Variants in NUP205 observed in about 807,000 individuals in gnomAD.
NUP205 encodes the protein nucleoporin 205.
NUP205 carries 76 observed loss-of-function variants against 253.8 expected under a neutral mutation model. The ratio of observed to expected loss-of-function variants is 0.30; its 90% CI spans 0.25 to 0.36. The LOEUF (loss-of-function observed/expected upper bound fraction) is 0.36, where lower values mean the gene tolerates loss of function less well. NUP205 is among the 10% of genes least tolerant of loss of function. The pLI is 1.00. For synonymous variants in NUP205, 832 were observed against 850.1 expected (o/e 0.98, Z 0.37); for missense variants, 2,162 against 2,425.5 (o/e 0.89, Z 2.28).
chr7:135,599,224 A>C (rs902530434), intron 15 of NUP205, among the ~76,000 whole-genome samples: 1 of 152,102 alleles, frequency 6.6e-6, no homozygotes, highest in Non-Finnish European at 1.5e-5. Context: ...TCATGTCCTA[A>C]GATATTCTTT....
chr7:135,575,753 G>T lies in NUP205; in HGVS notation c.344-517G>T, dbSNP rs147902267. Among the ~76,000 whole-genome samples, 381 of 152,220 alleles carry T rather than the reference G, an allele frequency of 2.5e-3. 2 individuals are homozygous for T. Among genetic ancestry groups the T allele is most frequent in the African/African-American group, 8.3e-3 (346 of 41,522 alleles). On this transcript the variant is annotated intron_variant, in intron 3 of 42. Coordinates refer to ENST00000285968, the MANE Select transcript of NUP205 (RefSeq NM_015135.3). ...GAGGTTGCAGTGAGATCACGCCACT[G>T]CACTCCAGCCTAGGTGACAGAGTGA...
At chr7:135,627,269 A>G (rs991781116) in intron 33 of NUP205, among the ~76,000 whole-genome samples, 1 of 152,098 alleles carries the variant, frequency 6.6e-6, no homozygotes, top group Non-Finnish European at 1.5e-5. Context: ...TCTGAGACCT[A>G]CTCTGAAAGG....
intron 2 of NUP205, 91 bp downstream of exon 2, chr7:135,571,338 C>A (rs1249462174): frequency 5.3e-5 from 45 of 843,870 alleles, no homozygotes; most frequent in Middle Eastern, 4.2e-4. Context: ...TTTTAATTTT[C>A]AAATTTTTTT....
intron 38 of NUP205, among the ~76,000 whole-genome samples, chr7:135,641,297 G>A (rs1248754524): frequency 2.0e-5 from 3 of 152,154 alleles, no homozygotes; most frequent in Admixed American, 6.5e-5. Context: ...GTTATCTGGG[G>A]ACCAGGATAC....
chr7:135,583,117 A>G (rs1373656704), intron 7 of NUP205, among the ~76,000 whole-genome samples: 2 of 151,976 alleles, frequency 1.3e-5, no homozygotes, highest in Admixed American at 6.6e-5. Flanking sequence ...AATAATAAAA[A>G]TGAAATACTA....
intron 41 of NUP205, 67 bp downstream of exon 41, chr7:135,645,663 T>A (rs941884550): frequency 6.5e-6 from 6 of 916,118 alleles, no homozygotes; most frequent in Non-Finnish European, 7.2e-6. Flanking sequence ...CTAGTACCAG[T>A]TTTTTTTTAT....
At chr7:135,647,748 A>T in intron 42 of NUP205, among the ~76,000 whole-genome samples, 1 of 152,242 alleles carries the variant, frequency 6.6e-6, no homozygotes, top group South Asian at 2.1e-4. Context: ...AGGATTAATA[A>T]ATAATCTCAC....
rs977972909 is a variant in NUP205, at chr7:135,587,567, T to A, written c.1219-8T>A. 6.4e-7 allele frequency: 1 copy of A among 1,550,602 alleles called. No individual in the cohort carries two copies. The highest frequency in any genetic ancestry group is 8.8e-7 in the Non-Finnish European group (1 of 1,139,978). On this transcript the variant is annotated splice_region_variant and splice_polypyrimidine_tract_variant and intron_variant, in intron 8 of 42. Transcript: ENST00000285968. The stretch of plus-strand genomic sequence containing the variant: ...ACATATTAAAACTATATCTAATAAA[T>A]TTAATAGGTGAAACAGCTGAGGAAT...
At chr7:135,633,353 G>A (rs556375898) in intron 35 of NUP205, among the ~76,000 whole-genome samples, 3 of 152,188 alleles carry the variant, frequency 2.0e-5, no homozygotes, top group Non-Finnish European at 4.4e-5. Context: ...GAGCTCAAAT[G>A]ATCCTCCTGC....
intron 38 of NUP205, among the ~76,000 whole-genome samples, chr7:135,638,884 A>G (rs1277850020): frequency 6.6e-6 from 1 of 152,176 alleles, no homozygotes. Context: ...GAAATTCAGG[A>G]TTTACTGAGA....
In NUP205 at chr7:135,580,614, C is replaced by T. The variant is rs60637207; in HGVS notation, c.1042+1699C>T. Among the ~76,000 whole-genome samples, 11 of 152,090 alleles carry T rather than the reference C, an allele frequency of 7.2e-5. No homozygotes were observed. In the East Asian group the frequency reaches 1.4e-3, roughly 19 times the overall value. On this transcript the variant is annotated intron_variant, in intron 7 of 42. Transcript: ENST00000285968. ...AGTACCTGGGACTATAGTCGCACGC[C>T]GCCACACCCAGCTAAGTTTTTGTAT...
chr7:135,619,909 A>G, intron 30 of NUP205, 21 bp downstream of exon 30: 2 of 1,468,220 alleles, frequency 1.4e-6, no homozygotes, highest in Non-Finnish European at 1.9e-6. Context: ...ATCAATTCCT[A>G]ATCTTTTCTG....
intron 41 of NUP205, chr7:135,645,818 C>T (rs1391690175): frequency 3.4e-6 from 2 of 580,926 alleles, no homozygotes; most frequent in East Asian, 2.8e-5. Flanking sequence ...ATCAGCTGTT[C>T]CTTAGCTTCT....
At chr7:135,607,005 C>A in intron 21 of NUP205, 90 bp downstream of exon 21, 1 of 1,345,902 alleles carries the variant, frequency 7.4e-7, no homozygotes, top group African/African-American at 1.5e-5. Flanking sequence ...TGGGATAATT[C>A]ATTGAAAGAA....
intron 7 of NUP205, among the ~76,000 whole-genome samples, chr7:135,580,608 G>A (rs866906601): frequency 2.2e-4 from 34 of 151,956 alleles, no homozygotes; most frequent in Admixed American, 7.9e-4. Flanking sequence ...GACTATAGTC[G>A]CACGCCGCCA....
intron 42 of NUP205, among the ~76,000 whole-genome samples, 162 bp from the exon 43 acceptor site, chr7:135,648,242 G>T (rs767023759): frequency 5.3e-5 from 8 of 152,194 alleles, no homozygotes; most frequent in Non-Finnish European, 1.2e-4. Context: ...TAGAAAATGT[G>T]AATGTTTAGT....
At position 135,607,302 on chromosome 7, in the gene NUP205, A is replaced by G. The variant is rs768009798; in HGVS notation, c.3126A>G (p.Lys1042=). 23 of 1,614,156 alleles carry G rather than the reference A, an allele frequency of 1.4e-5. No homozygotes were observed. The highest frequency in any genetic ancestry group is 2.2e-5 in the South Asian group (2 of 91,086). ...ACGCCATTCTAAACATCTTGGAGAA[A>G]GGAACGGAAGGGAGAACAGGCCCAG... The part of the protein sequence containing the change: ...CLHAILNILE[K]GTEGRTGPVA... Residue 1042 remains lysine (K), a synonymous_variant, in exon 22 of 43, where the codon AAA becomes AAG. Transcript: ENST00000285968.
At chr7:135,616,456 A>G (rs532939719) in intron 24 of NUP205, among the ~76,000 whole-genome samples, 199 bp from the exon 25 acceptor site, 1 of 152,322 alleles carries the variant, frequency 6.6e-6, no homozygotes, top group African/African-American at 2.4e-5. Context: ...AGTGGATTCC[A>G]TAGGGACAGA....
At chr7:135,627,014 A>G (rs1459779631) in intron 33 of NUP205, among the ~76,000 whole-genome samples, 1 of 152,212 alleles carries the variant, frequency 6.6e-6, no homozygotes, top group Admixed American at 6.5e-5. Flanking sequence ...ACCTCCAGGG[A>G]AAAACATTTA....
Sources: gnomAD v4.1 joint callset for allele counts (sites outside exome capture counted in the v4.1 genomes callset) on GRCh38, gnomAD v4.1.1 for gene constraint, MANE v1.5 for transcripts, NCBI Gene and HGNC (gene_info 2026-07-23, HGNC 2026-07-21) for gene names.